The following GMEB1 variants were observed in gnomAD, a reference collection of about 807,000 sequenced individuals.
The protein encoded by GMEB1 is glucocorticoid modulatory element-binding protein 1.
A neutral mutation model predicts 52.4 loss-of-function variants in GMEB1; 6 were observed. The ratio of observed to expected loss-of-function variants is 0.11; its 90% CI spans 0.06 to 0.23. The LOEUF (loss-of-function observed/expected upper bound fraction) is 0.23, where lower values mean the gene tolerates loss of function less well. Ranked by LOEUF, GMEB1 falls within the 10% of genes least tolerant of loss-of-function variation. GMEB1 has a pLI of 1.00. For synonymous variants in GMEB1, 255 were observed against 244.9 expected, an observed-to-expected ratio of 1.04 and a Z score of -0.38; for missense variants, 486 against 685.6, an observed-to-expected ratio of 0.71 and a Z score of 3.25.
chr1:28,700,634 G>A (rs547403747), intron 6 of GMEB1, among the ~76,000 whole-genome samples: 4 of 150,652 alleles, frequency 2.7e-5, no homozygotes, highest in South Asian at 2.1e-4. Context: ...GCCGTGAGCC[G>A]AGATCATGCC....
At chr1:28,690,554 A>T (rs890763932) in intron 3 of GMEB1, among the ~76,000 whole-genome samples, 1 of 152,192 alleles carries the variant, frequency 6.6e-6, no homozygotes, top group African/African-American at 2.4e-5. Context: ...AACTGGAAAG[A>T]AACCGAAATT....
chr1:28,672,771 C>T (rs1424495077), intron 1 of GMEB1, among the ~76,000 whole-genome samples: 1 of 134,924 alleles, frequency 7.4e-6, no homozygotes, highest in Non-Finnish European at 1.5e-5. Flanking sequence ...GACGGAGTCT[C>T]GCTCTGTTGC....
chr1:28,705,749 CCGATA>C (rs1670726770), intron 8 of GMEB1, among the ~76,000 whole-genome samples: 1 of 151,842 alleles, frequency 6.6e-6, no homozygotes, highest in Non-Finnish European at 1.5e-5. Flanking sequence ...CCGCGCCCAG[CCGATA>C]CATCTATTTT....
intron 2 of GMEB1, among the ~76,000 whole-genome samples, chr1:28,687,373 C>CAAAAAAAAAAAAAAAAA (rs1319753146): frequency 8.4e-5 from 2 of 23,914 alleles, no homozygotes; most frequent in African/African-American, 4.5e-4. Context: ...CACACACACA[C>CAAAAAAAAAAAAAAAAA]ACACACACAC....
chr1:28,680,463 G>A (rs905286402), intron 1 of GMEB1, among the ~76,000 whole-genome samples: 2 of 151,968 alleles, frequency 1.3e-5, no homozygotes, highest in South Asian at 4.2e-4. Flanking sequence ...CTGGCCAGGC[G>A]CAGTGGCTCA....
rs918317957 is a variant in GMEB1, at chr1:28,715,635, A to G, written c.*862A>G. 5.3e-5 allele frequency: 8 copies of G among 152,050 alleles called. No individual in the cohort carries two copies. Among genetic ancestry groups the G allele is most frequent in the Non-Finnish European group, 8.8e-5 (6 of 68,340 alleles). The allele number at this position is 152,050 out of a possible 1,614,324, so 9.4% of individuals were successfully genotyped here. On this transcript the variant is annotated 3_prime_UTR_variant, in exon 10 of 10. Transcript: ENST00000373816. ...AAAAAAAAAAAAAAGTGCTTTGGCAAGTATGGGGCAGGGAAATCATCTTAC... is the reference window on the plus strand; with the variant it reads ...AAAAAAAAAAAAAAGTGCTTTGGCAGGTATGGGGCAGGGAAATCATCTTAC...
chr1:28,710,454 A>G (rs1670996416), intron 8 of GMEB1, 66 bp from the exon 9 acceptor site: 1 of 1,275,322 alleles, frequency 7.8e-7, no homozygotes, highest in Admixed American at 2.7e-5. Context: ...ATTTATAAAC[A>G]GCACAATGGA....
intron 5 of GMEB1, among the ~76,000 whole-genome samples, chr1:28,694,190 ATTTT>A (rs569803893): frequency 7.3e-6 from 1 of 136,806 alleles, no homozygotes. Context: ...GTGTTGTAGG[ATTTT>A]TTTTTTTTTT....
chr1:28,697,195 AT>A (rs1557513001), intron 6 of GMEB1, 111 bp downstream of exon 6: 1 of 155,104 alleles, frequency 6.4e-6, no homozygotes, highest in African/African-American at 3.1e-5. Flanking sequence ...ATATATATAT[AT>A]ATATGTATTT....
chr1:28,672,350 G>A (rs991171028), intron 1 of GMEB1, among the ~76,000 whole-genome samples: 2 of 148,948 alleles, frequency 1.3e-5, no homozygotes, highest in Non-Finnish European at 3.0e-5. Context: ...CTCCCGAGTA[G>A]CTGGGACTAC....
intron 1 of GMEB1, among the ~76,000 whole-genome samples, chr1:28,678,254 G>A (rs1274081483): frequency 6.6e-6 from 1 of 152,112 alleles, no homozygotes; most frequent in Non-Finnish European, 1.5e-5. Flanking sequence ...AGGGAAGGGG[G>A]CTCCAAAGCC....
Position 28,696,818 on chromosome 1 carries a change from C to G in GMEB1, c.441-109C>G. 3 of 781,918 alleles carry G rather than the reference C, an allele frequency of 3.8e-6. No homozygotes were observed. The South Asian group carries it at 8.6e-5, about 22-fold the overall frequency. The allele number at this position is 781,918 out of a possible 1,614,324, so 48.4% of individuals were successfully genotyped here. On this transcript the variant is annotated intron_variant, in intron 5 of 9. Transcript: ENST00000373816. ...TGACTTCTAACACTATTAGGTTTCA[C>G]TAATCTACACAGTAGGCTCAGCAGT...
intron 1 of GMEB1, among the ~76,000 whole-genome samples, chr1:28,677,576 C>T (rs1669215566): frequency 6.6e-6 from 1 of 152,222 alleles, no homozygotes; most frequent in South Asian, 2.1e-4. Flanking sequence ...CAAAGTATTA[C>T]ATCTTTTAAA....
rs1181356560 is a variant in GMEB1 at position 28,704,307 on chromosome 1, C to T, written c.846C>T (p.Ile282=). The change falls in exon 8 of 10, where the codon ATC becomes ATT. Residue 282 remains isoleucine, a synonymous_variant. Transcript: ENST00000373816. ...ELLRGVQQRL[I]QAPFQVTDAA... Reference sequence around the variant, plus strand: ...TCAGGGGAGTTCAGCAGCGGCTCATCCAGGCTCCCTTCCAAGTCACAGGTA... The same window carrying T: ...TCAGGGGAGTTCAGCAGCGGCTCATTCAGGCTCCCTTCCAAGTCACAGGTA... 6.2e-7 allele frequency: 1 copy of T among 1,612,660 alleles called. No individual in the cohort carries two copies. Among genetic ancestry groups the T allele is most frequent in the Non-Finnish European group, 8.5e-7 (1 of 1,179,348 alleles).
chr1:28,702,687 A>T, intron 7 of GMEB1, 118 bp downstream of exon 7: 2 of 802,042 alleles, frequency 2.5e-6, no homozygotes, highest in South Asian at 3.4e-5. Flanking sequence ...GCACGTAAAT[A>T]CTAACTATAG....
At chr1:28,710,797 T>A (rs1671024292) in intron 9 of GMEB1, among the ~76,000 whole-genome samples, 155 bp downstream of exon 9, 1 of 150,936 alleles carries the variant, frequency 6.6e-6, no homozygotes. Flanking sequence ...ATGAGGTGGA[T>A]TGATGAGAAA....
At chr1:28,702,039 A>C (rs1670541304) in intron 6 of GMEB1, among the ~76,000 whole-genome samples, 1 of 152,090 alleles carries the variant, frequency 6.6e-6, no homozygotes, top group African/African-American at 2.4e-5. Flanking sequence ...GGAAAGCACT[A>C]TACCTTTCTC....
chr1:28,714,872 T>TAA lies in GMEB1; in HGVS notation c.*99_*100insAA. 2 of 812,064 alleles carry TAA rather than the reference T, an allele frequency of 2.5e-6. No individual in the cohort carries two copies. The highest frequency in any genetic ancestry group is 3.8e-6 in the Non-Finnish European group (2 of 527,798). 50.3% of individuals were successfully genotyped at this position (812,064 alleles called of 1,614,324 possible). ...ACTCATTTCCACATAGGACCCTTTT[T>TAA]TAAAAAAAAAAAAACAAAATCTTAT... On this transcript the variant is annotated 3_prime_UTR_variant, in exon 10 of 10. Coordinates refer to ENST00000373816, the MANE Select transcript of GMEB1 (RefSeq NM_001319674.2).
intron 2 of GMEB1, 73 bp downstream of exon 2, chr1:28,683,813 G>T (rs894550238): frequency 7.0e-7 from 1 of 1,425,092 alleles, no homozygotes; most frequent in African/African-American, 1.4e-5. Context: ...ATAACTTTAT[G>T]GTTGCTTAGC....
Sources: allele counts gnomAD v4.1 joint callset (sites outside exome capture counted in the v4.1 genomes callset), GRCh38; gene constraint gnomAD v4.1.1; transcripts MANE v1.5; gene names NCBI Gene and HGNC (gene_info 2026-07-23, HGNC 2026-07-21).